Variants in MORC2 observed in about 807,000 individuals in gnomAD.
MORC2 encodes ATPase MORC2.
In MORC2, 30 loss-of-function variants were observed where a neutral mutation model predicts 136.0. The observed-to-expected ratio is 0.22, with a 90% CI of 0.17 to 0.30. The LOEUF (loss-of-function observed/expected upper bound fraction) is 0.30. Ranked by LOEUF, MORC2 falls within the 10% of genes least tolerant of loss-of-function variation. The probability of loss-of-function intolerance (pLI) is 1.00; values close to 1 mark genes in which losing one functional copy is unlikely to be tolerated. For synonymous variants in MORC2, 439 were observed against 487.0 expected, an observed-to-expected ratio of 0.90 and a Z score of 1.30; for missense variants, 922 against 1,333.1, an observed-to-expected ratio of 0.69 and a Z score of 4.80.
At position 30,926,803 on chromosome 22, in the gene MORC2, T is replaced by C. The variant is rs1452280768; in HGVS notation, c.3099A>G (p.Ter1033TrpextTer34). ...YIEDLITKGD* is the reference protein window; with the variant it reads ...YIEDLITKGDW ...AGGGGAGCTGCTCTCTCTCCTGCCT[T>C]CAGTCCCCCTTGGTGATGAGGTCCT... The change falls in exon 26 of 26, where the codon TGA becomes TGG. Residue 1033 changes from the stop codon to tryptophan, a stop_lost. Transcript: ENST00000397641. 1 of 1,613,174 alleles carries C rather than the reference T, an allele frequency of 6.2e-7. No homozygotes were observed. The highest frequency in any genetic ancestry group is 1.3e-5 in the African/African-American group (1 of 74,986).
At chr22:30,966,990 G>A (rs2041137999) in intron 1 of MORC2, 1 of 637,966 alleles carries the variant, frequency 1.6e-6, no homozygotes, top group Non-Finnish European at 1.9e-6. Context: ...CGACTCTGAA[G>A]TGGGTTCTTC....
At chr22:30,964,212 C>T (rs2041091397) in intron 1 of MORC2, among the ~76,000 whole-genome samples, 1 of 152,040 alleles carries the variant, frequency 6.6e-6, no homozygotes, top group African/African-American at 2.4e-5. Context: ...AAAAAATTAC[C>T]CAGGCATGGT....
In MORC2 at chr22:30,940,052, G is replaced by GA; in HGVS notation, c.905-12dup. 2 of 1,612,918 alleles carry GA rather than the reference G, an allele frequency of 1.2e-6. No individual in the cohort carries two copies. The highest frequency in any genetic ancestry group is 1.7e-6 in the Non-Finnish European group (2 of 1,179,860). The stretch of plus-strand genomic sequence containing the variant: ...GCGCCTTCTCTTCAGCTGAAACCCA[G>GA]AAGAGAACATGGTAAGAAATGCAAA... On this transcript the variant is annotated splice_polypyrimidine_tract_variant and intron_variant, in intron 10 of 25. Transcript: ENST00000397641.
intron 11 of MORC2, 110 bp from the exon 12 acceptor site, chr22:30,939,816 A>C (rs1402414185): frequency 2.2e-6 from 3 of 1,349,046 alleles, no homozygotes; most frequent in African/African-American, 1.5e-5. Context: ...GTAAAACCAC[A>C]CCTGGAAATT....
chr22:30,931,256 T>C (rs1255937789), intron 24 of MORC2, among the ~76,000 whole-genome samples: 1 of 152,218 alleles, frequency 6.6e-6, no homozygotes, highest in Non-Finnish European at 1.5e-5. Context: ...GCCAAGTGTT[T>C]TTGTAAATAA....
In MORC2 at chr22:30,937,880, T is replaced by C; in HGVS notation, c.1304A>G (p.Glu435Gly). 6.2e-7 allele frequency: 1 copy of C among 1,614,130 alleles called. No individual in the cohort carries two copies. Among genetic ancestry groups the C allele is most frequent in the Non-Finnish European group, 8.5e-7 (1 of 1,180,026 alleles). Residue 435 changes from glutamate (E) to glycine (G), a missense_variant, in exon 14 of 26, where the codon GAG becomes GGG. Physicochemically the swap from Glu to Gly is moderately conservative, Grantham distance 98. Around this residue, in one of 9 missense-constraint regions of MORC2, gnomAD observed 119 missense variants for 202.7 expected, o/e 0.59. Coordinates refer to ENST00000397641, the MANE Select transcript of MORC2 (RefSeq NM_001303256.3). This position sits in a 1 kb window ranked among gnomAD's most constrained non-coding sequence, Gnocchi z 4.7. ...HNKQDFADAK[E>G]YRHLLRAMGE... ...CATTGCTCGGAGCAGGTGCCGGTAC[T>C]CCTTGGCATCAGCAAAGTCCTGTTT... is the stretch of plus-strand genomic sequence containing the variant.
rs756260923 is a variant in MORC2, at chr22:30,934,020, TAGAG to T, written c.2325+36_2325+39del. 1.2e-6 allele frequency: 2 copies of T among 1,611,908 alleles called. No homozygotes were observed. The highest frequency in any genetic ancestry group is 8.5e-7 in the Non-Finnish European group (1 of 1,178,706). ...GACTGCTGGTGGGGGCTGCAGGCCCTAGAGAGAGAGGCTTTGAGAACCTCACCTC... is the reference window on the plus strand; with the variant it reads ...GACTGCTGGTGGGGGCTGCAGGCCCTAGAGAGGCTTTGAGAACCTCACCTC... On this transcript the variant is annotated intron_variant, in intron 20 of 25. Transcript: ENST00000397641. The surrounding 1 kb of genome is among the most constrained non-coding windows in gnomAD (Gnocchi z 4.4).
chr22:30,957,049 T>A (rs1215630134), intron 2 of MORC2, among the ~76,000 whole-genome samples: 5 of 152,212 alleles, frequency 3.3e-5, no homozygotes, highest in Admixed American at 6.5e-5. Flanking sequence ...ATATTTTTTT[T>A]AAATCCTGAT....
Position 30,965,193 on chromosome 22 carries a change from A to C in MORC2, c.68+2629T>G, listed in dbSNP as rs183531969. Among the ~76,000 whole-genome samples, 249 of 152,368 alleles carry C rather than the reference A, an allele frequency of 1.6e-3. 5 individuals are homozygous for C. The highest frequency in any genetic ancestry group is 2.5e-4 in the Non-Finnish European group (17 of 68,046). On this transcript the variant is annotated intron_variant, in intron 1 of 25. Coordinates refer to ENST00000397641, the MANE Select transcript of MORC2 (RefSeq NM_001303256.3). ...GCTTCTAAGTCTACATTTAATGAGA[A>C]GTAAGCAAAGGACCATTTATTTCCT... is the stretch of plus-strand genomic sequence containing the variant.
At chr22:30,933,388 T>C (rs1219140911) in intron 21 of MORC2, 78 bp downstream of exon 21, 77 of 1,499,748 alleles carry the variant, frequency 5.1e-5, no homozygotes, top group Admixed American at 6.9e-5. Flanking sequence ...CTTTGGTAAA[T>C]TGCTGCTGGT....
At chr22:30,956,907 C>G (rs2040974888) in intron 2 of MORC2, 110 bp from the exon 3 acceptor site, 1 of 851,942 alleles carries the variant, frequency 1.2e-6, no homozygotes, top group East Asian at 3.0e-5. Context: ...TTTCAGGAAG[C>G]CATACAGAAA....
In MORC2 at chr22:30,946,468, T is replaced by A; in HGVS notation, c.318-19A>T. ...TGAGCCCCTGAAAAGGAAACAGAAA[T>A]GGGTGTTATTCTCCCAGGAGTCAAA... On this transcript the variant is annotated intron_variant, in intron 5 of 25. Coordinates refer to ENST00000397641, the MANE Select transcript of MORC2 (RefSeq NM_001303256.3). The A allele has an allele frequency of 6.3e-7, 1 of 1,589,666 alleles. No individual in the cohort carries two copies. Among genetic ancestry groups the A allele is most frequent in the Non-Finnish European group, 8.6e-7 (1 of 1,162,298 alleles).
Position 30,935,264 on chromosome 22 carries a change from G to A in MORC2, c.1796C>T (p.Thr599Ile). The A allele has an allele frequency of 6.2e-7, 1 of 1,613,804 alleles. No individual in the cohort carries two copies. Among genetic ancestry groups the A allele is most frequent in the Non-Finnish European group, 8.5e-7 (1 of 1,179,902 alleles). Residue 599 changes from threonine (T) to isoleucine (I), a missense_variant, in exon 18 of 26, where the codon ACC (threonine) becomes ATC (isoleucine). This residue lies in a region of MORC2 where 184 missense variants were observed against 180.3 expected (regional missense o/e 1.02). Transcript: ENST00000397641. ...DLKKLPLEVT[T>I]RPSTEEPVRR... ...GGACTTCACCTCAGTGGAAGGTCTGGTGGTCACTTCCAAGGGCAATTTCTT... is the reference window on the plus strand; with the variant it reads ...GGACTTCACCTCAGTGGAAGGTCTGATGGTCACTTCCAAGGGCAATTTCTT...
intron 1 of MORC2, chr22:30,958,946 T>C (rs1211415466): frequency 2.4e-6 from 1 of 411,232 alleles, no homozygotes; most frequent in Non-Finnish European, 4.4e-6. Flanking sequence ...CCTGAAGCAT[T>C]GAAAGAGTCC....
intron 3 of MORC2, among the ~76,000 whole-genome samples, chr22:30,953,260 G>T (rs2147293789): frequency 1.3e-5 from 2 of 152,318 alleles, no homozygotes; most frequent in Middle Eastern, 6.8e-3. Flanking sequence ...GCAGCTGGGG[G>T]TTGTATGTTC....
Position 30,967,953 on chromosome 22 carries a change from G to T in MORC2, c.-64C>A. ...GGAAATATAACCTTATAATGATATC[G>T]ATTTCCCAGGATTCTGTCCAGTAAA... is the stretch of plus-strand genomic sequence containing the variant. On this transcript the variant is annotated 5_prime_UTR_variant, in exon 1 of 26. Coordinates refer to ENST00000397641, the MANE Select transcript of MORC2 (RefSeq NM_001303256.3). 2 of 1,340,430 alleles carry T rather than the reference G, an allele frequency of 1.5e-6. No individual in the cohort carries two copies. The highest frequency in any genetic ancestry group is 2.5e-5 in the South Asian group (2 of 79,556). The allele number at this position is 1,340,430 out of a possible 1,614,324, so 83.0% of individuals were successfully genotyped here.
chr22:30,941,324 C>T lies in MORC2; in HGVS notation c.824+109G>A. 1 of 1,458,096 alleles carries T rather than the reference C, an allele frequency of 6.9e-7. No individual in the cohort carries two copies. The highest frequency in any genetic ancestry group is 1.4e-5 in the African/African-American group (1 of 70,996). The allele number at this position is 1,458,096 out of a possible 1,614,324, so 90.3% of individuals were successfully genotyped here. A position where few individuals can be genotyped will look rare whatever the true frequency, so the allele number is the denominator to read the frequency against. On this transcript the variant is annotated intron_variant, in intron 9 of 25. Transcript: ENST00000397641. This position sits in a 1 kb window ranked among gnomAD's most constrained non-coding sequence, Gnocchi z 4.6. ...GGCAACTTAAAGTCCCAAACGTAGTCAGCACTGCCAGAGCCTCTTATACAG... is the reference window on the plus strand; with the variant it reads ...GGCAACTTAAAGTCCCAAACGTAGTTAGCACTGCCAGAGCCTCTTATACAG...
At chr22:30,936,715 C>G (rs1157416330) in intron 16 of MORC2, 72 bp from the exon 17 acceptor site, 20 of 1,560,844 alleles carry the variant, frequency 1.3e-5, no homozygotes, top group East Asian at 2.2e-5. Flanking sequence ...TTCTCTTCAG[C>G]CAGTCTACAC....
chr22:30,936,432 A>G, intron 17 of MORC2, 79 bp downstream of exon 17: 1 of 1,567,050 alleles, frequency 6.4e-7, no homozygotes, highest in Non-Finnish European at 8.6e-7. Flanking sequence ...CTGAGGGAAC[A>G]GGAAAGCTAC....
Sources: allele counts gnomAD v4.1 joint callset (sites outside exome capture counted in the v4.1 genomes callset), GRCh38; gene constraint gnomAD v4.1.1; regional missense constraint gnomAD v4.1.1; non-coding constraint Gnocchi (gnomAD v3.1); transcripts MANE v1.5; gene names NCBI Gene and HGNC (gene_info 2026-07-23, HGNC 2026-07-21).